Variants in LRCH1 observed in about 807,000 individuals in gnomAD.
The protein encoded by LRCH1 is leucine-rich repeat and calponin homology domain-containing protein 1.
Under a neutral mutation model 94.9 loss-of-function variants are expected in LRCH1, and 23 were observed. That is an observed-to-expected ratio of 0.24 (90% CI 0.17 to 0.34). The LOEUF (loss-of-function observed/expected upper bound fraction) is 0.34. Among genes scored for constraint, LRCH1 ranks in the 10% least tolerant of loss-of-function variants. The pLI, the probability that LRCH1 is intolerant of heterozygous loss-of-function variation, is 1.00. For missense variants in LRCH1, 790 were observed against 945.9 expected (o/e 0.84, Z 2.16); for synonymous variants, 364 against 354.9 (o/e 1.03, Z -0.29).
At chr13:46,560,789 T>C (rs1171810843) in intron 1 of LRCH1, among the ~76,000 whole-genome samples, 3 of 152,252 alleles carry the variant, frequency 2.0e-5, no homozygotes, top group Non-Finnish European at 4.4e-5. Context: ...GGCATTCTAA[T>C]ATAGACTCAA....
chr13:46,699,880 C>T (rs182192944), intron 10 of LRCH1, among the ~76,000 whole-genome samples: 41 of 152,338 alleles, frequency 2.7e-4, no homozygotes, highest in Non-Finnish European at 4.9e-4. Flanking sequence ...AAATACTTGA[C>T]AGGCCATAAC....
intron 1 of LRCH1, among the ~76,000 whole-genome samples, chr13:46,558,570 T>TAAA (rs2050092861): frequency 1.1e-4 from 1 of 9,324 alleles, no homozygotes; most frequent in African/African-American, 1.7e-3. Flanking sequence ...ACCCTGTGTC[T>TAAA]ACAAAAAAAA....
intron 14 of LRCH1, 91 bp downstream of exon 14, chr13:46,711,935 G>GATTA (rs1156548338): frequency 7.3e-6 from 7 of 953,850 alleles, no homozygotes; most frequent in South Asian, 3.1e-5. Context: ...TAAGACTTGT[G>GATTA]ATTAATTAAT....
At chr13:46,598,764 TGA>T (rs2137977489) in intron 1 of LRCH1, among the ~76,000 whole-genome samples, 1 of 152,250 alleles carries the variant, frequency 6.6e-6, no homozygotes, top group East Asian at 1.9e-4. Flanking sequence ...ACAGGATCCT[TGA>T]GAAGTTGTTC....
intron 1 of LRCH1, among the ~76,000 whole-genome samples, chr13:46,633,864 TG>T (rs1184975121): frequency 6.6e-6 from 1 of 151,002 alleles, no homozygotes; most frequent in Non-Finnish European, 1.5e-5. Context: ...CCTCCAAACC[TG>T]TTTCTTTTCC....
chr13:46,633,829 G>A (rs1157137610), intron 1 of LRCH1, among the ~76,000 whole-genome samples: 1 of 151,018 alleles, frequency 6.6e-6, no homozygotes, highest in African/African-American at 2.4e-5. Flanking sequence ...TAAACTGATC[G>A]TGACTCTCCT....
chr13:46,566,748 C>G (rs1203446486), intron 1 of LRCH1, among the ~76,000 whole-genome samples: 8 of 152,188 alleles, frequency 5.3e-5, no homozygotes. Flanking sequence ...TATGGCATTT[C>G]TACAGATGGT....
intron 11 of LRCH1, 22 bp downstream of exon 11, chr13:46,701,229 A>G: frequency 1.3e-6 from 2 of 1,528,018 alleles, no homozygotes; most frequent in Non-Finnish European, 9.1e-7. Flanking sequence ...TCCTTGGTCC[A>G]GGTTTCATGT....
chr13:46,730,263 A>G (rs1010177954), intron 18 of LRCH1, among the ~76,000 whole-genome samples: 5 of 152,196 alleles, frequency 3.3e-5, no homozygotes, highest in Admixed American at 2.6e-4. Flanking sequence ...CTTCTCTATA[A>G]TGGAAATGTT....
chr13:46,650,184 C>T lies in LRCH1; in HGVS notation c.308-17C>T, dbSNP rs763394900. ...GTTCAAATTTTGTTGAGAAAATATT[C>T]TCTCCTTTTCTTATAGACTTATCTA... On this transcript the variant is annotated splice_polypyrimidine_tract_variant and intron_variant, in intron 1 of 19. Transcript: ENST00000389797. The T allele has an allele frequency of 6.3e-7, 1 of 1,580,254 alleles. No homozygotes were observed. Among genetic ancestry groups the T allele is most frequent in the South Asian group, 1.2e-5 (1 of 86,438 alleles).
chr13:46,604,795 GTTT>G (rs2050669911), intron 1 of LRCH1, among the ~76,000 whole-genome samples: 2 of 152,322 alleles, frequency 1.3e-5, no homozygotes, highest in South Asian at 4.1e-4. Context: ...TATCTACAGA[GTTT>G]TAACCCTTAT....
intron 5 of LRCH1, 27 bp from the exon 6 acceptor site, chr13:46,687,825 A>G (rs2138153402): frequency 6.3e-7 from 1 of 1,592,938 alleles, no homozygotes; most frequent in East Asian, 2.2e-5. Context: ...TGAAAAATGA[A>G]TATGATTGCT....
At chr13:46,600,758 A>G (rs536886464) in intron 1 of LRCH1, among the ~76,000 whole-genome samples, 3 of 152,296 alleles carry the variant, frequency 2.0e-5, no homozygotes, top group Admixed American at 2.0e-4. Flanking sequence ...AATTGATTTT[A>G]TGACTCACAT....
intron 1 of LRCH1, among the ~76,000 whole-genome samples, chr13:46,620,380 T>C (rs1216024653): frequency 6.6e-6 from 1 of 151,550 alleles, no homozygotes; most frequent in Non-Finnish European, 1.5e-5. Context: ...AAAAAAAGCA[T>C]ATAATTTTGT....
At chr13:46,728,168 C>T (rs139554819) in intron 17 of LRCH1, among the ~76,000 whole-genome samples, 2 of 152,176 alleles carry the variant, frequency 1.3e-5, no homozygotes, top group African/African-American at 4.8e-5. Context: ...CTCCCCACCT[C>T]GGCCTCTCAA....
At chr13:46,655,348 CA>C (rs1421890976) in intron 2 of LRCH1, among the ~76,000 whole-genome samples, 1 of 152,188 alleles carries the variant, frequency 6.6e-6, no homozygotes, top group Non-Finnish European at 1.5e-5. Flanking sequence ...ATATTTTTCA[CA>C]TTTTCTCACA....
chr13:46,734,507 G>A (rs919705618), intron 19 of LRCH1, among the ~76,000 whole-genome samples: 4 of 152,272 alleles, frequency 2.6e-5, no homozygotes, highest in East Asian at 1.9e-4. Flanking sequence ...TAATAGCAGC[G>A]TTTGTGTGTT....
intron 1 of LRCH1, among the ~76,000 whole-genome samples, chr13:46,580,470 C>T (rs2050352657): frequency 6.6e-6 from 1 of 152,188 alleles, no homozygotes; most frequent in African/African-American, 2.4e-5. Flanking sequence ...CCCATGTTTT[C>T]TTGTAATGCT....
chr13:46,662,882 G>A (rs1456449527), intron 2 of LRCH1, among the ~76,000 whole-genome samples: 1 of 152,182 alleles, frequency 6.6e-6, no homozygotes, highest in Non-Finnish European at 1.5e-5. Context: ...ACTTGCTTTA[G>A]ACACTCTGTT....
Sources: gnomAD v4.1 joint callset for allele counts (sites outside exome capture counted in the v4.1 genomes callset) on GRCh38, gnomAD v4.1.1 for gene constraint, MANE v1.5 for transcripts, NCBI Gene and HGNC (gene_info 2026-07-23, HGNC 2026-07-21) for gene names.